Variants in ANGPTL1 observed in about 807,000 individuals in gnomAD.
The protein encoded by ANGPTL1 is angiopoietin like 1.
ANGPTL1 carries 36 observed loss-of-function variants against 46.7 expected under a neutral mutation model. That is an observed-to-expected ratio of 0.77 (90% CI 0.59 to 1.02). The LOEUF (loss-of-function observed/expected upper bound fraction) is 1.02. Among genes scored for constraint, ANGPTL1 ranks in the 50% least tolerant of loss-of-function variants. The pLI, the probability that ANGPTL1 is intolerant of heterozygous loss-of-function variation, is 0.00. For missense variants in ANGPTL1, 571 were observed against 594.7 expected (o/e 0.96, Z 0.41); for synonymous variants, 221 against 204.3 (o/e 1.08, Z -0.69).
rs944153460 is a variant in ANGPTL1 at position 178,869,876 on chromosome 1, A to C, written c.-136-653T>G. Among the ~76,000 whole-genome samples, 8 of 152,106 alleles carry C rather than the reference A, an allele frequency of 5.3e-5. No homozygotes were observed. The South Asian group carries it at 6.2e-4, about 12-fold the overall frequency. On this transcript the variant is annotated intron_variant, in intron 1 of 5. Coordinates refer to ENST00000234816, the MANE Select transcript of ANGPTL1 (RefSeq NM_004673.4). ...ATAGTTTTTATAATGCATGTAAAAA[A>C]AGCTCCCAGATAGAATATTGAAGGA...
At position 178,865,216 on chromosome 1, in the gene ANGPTL1, A is replaced by G. The variant is rs761575275; in HGVS notation, c.561T>C (p.Asn187=). 6.8e-6 allele frequency: 11 copies of G among 1,613,946 alleles called. No homozygotes were observed. Among genetic ancestry groups the G allele is most frequent in the Non-Finnish European group, 7.6e-6 (9 of 1,179,976 alleles). Residue 187 remains asparagine (N), a synonymous_variant, in exon 3 of 6, where the codon AAT becomes AAC. Coordinates refer to ENST00000234816, the MANE Select transcript of ANGPTL1 (RefSeq NM_004673.4). ...VKYASLTDLV[N]NQSVMITLLE... ...ACAAAGTGATCATCACAGATTGGTT[A>G]TTGACAAGATCAGTCAAGGAAGCGT...
intron 4 of ANGPTL1, chr1:178,853,270 T>A: frequency 1.1e-6 from 1 of 943,630 alleles, no homozygotes; most frequent in Non-Finnish European, 1.3e-6. Context: ...CCCAGATCCT[T>A]AAAAAGGGTT....
chr1:178,864,108 A>C (rs1171667024), intron 3 of ANGPTL1, among the ~76,000 whole-genome samples: 2 of 152,178 alleles, frequency 1.3e-5, no homozygotes, highest in African/African-American at 4.8e-5. Context: ...AATAAACATA[A>C]AATACTGAAT....
In ANGPTL1 at chr1:178,852,682, C is replaced by A. The variant is rs745970245; in HGVS notation, c.1288+1G>T. 2 of 1,610,114 alleles carry A rather than the reference C, an allele frequency of 1.2e-6. No individual in the cohort carries two copies. The highest frequency in any genetic ancestry group is 3.4e-5 in the Admixed American group (2 of 59,374). ...AAAGAATGAAAGTTTTTCATACTTA[C>A]CTGCATACATATCTTTATCTCTGTC... On this transcript the variant is annotated splice_donor_variant, in intron 5 of 5. Transcript: ENST00000234816. LOFTEE classifies it high-confidence loss of function.
At chr1:178,859,952 C>T (rs1206041931) in intron 3 of ANGPTL1, among the ~76,000 whole-genome samples, 4 of 151,728 alleles carry the variant, frequency 2.6e-5, no homozygotes, top group Non-Finnish European at 2.9e-5. Context: ...CTCCTGACCT[C>T]GTGATCCACC....
chr1:178,864,065 G>T (rs1248744224), intron 3 of ANGPTL1, among the ~76,000 whole-genome samples: 1 of 152,112 alleles, frequency 6.6e-6, no homozygotes, highest in African/African-American at 2.4e-5. Flanking sequence ...GGATTCTGGG[G>T]AATGAGTTGT....
At chr1:178,853,205 T>G (rs1572403311) in intron 4 of ANGPTL1, 1 of 985,352 alleles carries the variant, frequency 1.0e-6, no homozygotes, top group Non-Finnish European at 1.2e-6. Flanking sequence ...AATAAGACAA[T>G]GCAAATGAGA....
chr1:178,852,800 C>T lies in ANGPTL1; in HGVS notation c.1171G>A (p.Glu391Lys). ...AGGCGCAGTCTATAGAATTCACTTT[C>T]AGGTTCCAGACGAAAGCTGCTGTAT... ...AEYSSFRLEPESEFYRLRLGT... is the reference protein window; with the variant it reads ...AEYSSFRLEPKSEFYRLRLGT... The change falls in exon 5 of 6, where the codon GAA becomes AAA. Residue 391 changes from glutamate to lysine, a missense_variant. Transcript: ENST00000234816. 6.2e-7 allele frequency: 1 copy of T among 1,613,924 alleles called. No homozygotes were observed. The highest frequency in any genetic ancestry group is 8.5e-7 in the Non-Finnish European group (1 of 1,179,874).
intron 4 of ANGPTL1, chr1:178,853,247 A>G: frequency 1.0e-6 from 1 of 976,444 alleles, no homozygotes; most frequent in South Asian, 4.7e-5. Context: ...TAAAAATATT[A>G]GCTAGTATAC....
At chr1:178,865,878 A>G (rs1658373489) in intron 2 of ANGPTL1, 76 bp from the exon 3 acceptor site, 5 of 872,788 alleles carry the variant, frequency 5.7e-6, no homozygotes, top group African/African-American at 1.7e-5. Context: ...CAGTAATCTT[A>G]AAAACTATCT....
intron 2 of ANGPTL1, among the ~76,000 whole-genome samples, chr1:178,867,008 C>T (rs1658456819): frequency 3.9e-5 from 6 of 152,108 alleles, no homozygotes; most frequent in Admixed American, 3.9e-4. Context: ...CACCTTTTCA[C>T]TCTTGCGAAC....
At position 178,849,597 on chromosome 1, in the gene ANGPTL1, G is replaced by A. The variant is rs963716567; in HGVS notation, c.*1532C>T. 6.6e-6 allele frequency: 1 copy of A among 152,068 alleles called. No homozygotes were observed. The highest frequency in any genetic ancestry group is 1.5e-5 in the Non-Finnish European group (1 of 68,014). 9.4% of individuals were successfully genotyped at this position (152,068 alleles called of 1,614,324 possible). A position where few individuals can be genotyped will look rare whatever the true frequency, so the allele number is the denominator to read the frequency against. ...ATTTGGTGTAACAGTTAGATGCCCA[G>A]TTCCTTCCAGGAATCTTATAACAGA... is the stretch of plus-strand genomic sequence containing the variant. On this transcript the variant is annotated 3_prime_UTR_variant, in exon 6 of 6. Transcript: ENST00000234816.
chr1:178,854,529 A>G (rs1427549816), intron 3 of ANGPTL1, among the ~76,000 whole-genome samples: 1 of 152,172 alleles, frequency 6.6e-6, no homozygotes, highest in Non-Finnish European at 1.5e-5. Context: ...GCCCATGAGA[A>G]TACATTTCAG....
At chr1:178,858,659 G>T (rs1269886547) in intron 3 of ANGPTL1, among the ~76,000 whole-genome samples, 1 of 152,132 alleles carries the variant, frequency 6.6e-6, no homozygotes, top group Non-Finnish European at 1.5e-5. Flanking sequence ...TAGGGCTAAT[G>T]AAACCATATT....
At position 178,869,131 on chromosome 1, in the gene ANGPTL1, T is replaced by G. The variant is rs1356190559; in HGVS notation, c.-44A>C. ...ATACTTACGTTTAAATTTAAGTCTT[T>G]ACTTAGTTGTTTTTAGAAGAGAAAA... On this transcript the variant is annotated 5_prime_UTR_variant, in exon 2 of 6. Transcript: ENST00000234816. 6.6e-6 allele frequency: 1 copy of G among 152,104 alleles called. No individual in the cohort carries two copies. 9.4% of individuals were successfully genotyped at this position (152,104 alleles called of 1,614,324 possible).
intron 3 of ANGPTL1, among the ~76,000 whole-genome samples, chr1:178,858,766 T>C (rs77442158): frequency 0.025 from 3,731 of 152,206 alleles, 149 homozygotes; most frequent in African/African-American, 0.085. Context: ...AATAGAACAG[T>C]GAGTTAAAAA....
At position 178,849,902 on chromosome 1, in the gene ANGPTL1, A is replaced by G. The variant is rs928923808; in HGVS notation, c.*1227T>C. 1.3e-5 allele frequency: 2 copies of G among 152,242 alleles called. No homozygotes were observed. The highest frequency in any genetic ancestry group is 2.1e-4 in the South Asian group (1 of 4,834). The allele number at this position is 152,242 out of a possible 1,614,324, so 9.4% of individuals were successfully genotyped here. A position where few individuals can be genotyped will look rare whatever the true frequency, so the allele number is the denominator to read the frequency against. ...TGCTTAAGCAAAAGTTTCATGAGCT[A>G]TCTTTAAAATTTTAACTTCACAAAT... On this transcript the variant is annotated 3_prime_UTR_variant, in exon 6 of 6. Coordinates refer to ENST00000234816, the MANE Select transcript of ANGPTL1 (RefSeq NM_004673.4).
intron 3 of ANGPTL1, among the ~76,000 whole-genome samples, chr1:178,856,546 T>C (rs2102308566): frequency 6.6e-6 from 1 of 150,966 alleles, no homozygotes; most frequent in Non-Finnish European, 1.5e-5. Flanking sequence ...CATGAGCCAC[T>C]CCACCCAGCC....
chr1:178,864,338 C>T (rs1212156974), intron 3 of ANGPTL1, among the ~76,000 whole-genome samples: 1 of 151,902 alleles, frequency 6.6e-6, no homozygotes, highest in African/African-American at 2.4e-5. Flanking sequence ...ATTGTTTAGC[C>T]TTGGAAAATA....
Sources: allele counts gnomAD v4.1 joint callset (sites outside exome capture counted in the v4.1 genomes callset), GRCh38; gene constraint gnomAD v4.1.1; transcripts MANE v1.5; gene names NCBI Gene and HGNC (gene_info 2026-07-23, HGNC 2026-07-21).